Variants in PLEKHG1 observed in about 807,000 individuals in gnomAD.
The protein encoded by PLEKHG1 is pleckstrin homology domain-containing family G member 1.
PLEKHG1 carries 44 observed loss-of-function variants against 100.8 expected under a neutral mutation model. The ratio of observed to expected loss-of-function variants is 0.44; its 90% confidence interval spans 0.34 to 0.56. The LOEUF is 0.56. Ranked by LOEUF, PLEKHG1 falls within the 20% of genes least tolerant of loss-of-function variation. PLEKHG1 has a pLI of 0.01. For synonymous variants in PLEKHG1, 640 were observed against 662.5 expected, an observed-to-expected ratio of 0.97 and a Z score of 0.52; for missense variants, 1,545 against 1,720.9, an observed-to-expected ratio of 0.90 and a Z score of 1.81.
At chr6:150,608,366 A>G (rs968918962) in intron 1 of PLEKHG1, among the ~76,000 whole-genome samples, 7 of 152,220 alleles carry the variant, frequency 4.6e-5, no homozygotes, top group Non-Finnish European at 1.0e-4. Flanking sequence ...TTGCCCTATG[A>G]TCTGTCATGT....
intron 2 of PLEKHG1, among the ~76,000 whole-genome samples, chr6:150,767,323 A>G (rs1449939383): frequency 6.6e-6 from 1 of 152,238 alleles, no homozygotes; most frequent in Non-Finnish European, 1.5e-5. Context: ...TTTAATGCCA[A>G]CTACTTTTAA....
At chr6:150,827,270 C>G (rs1262788103) in intron 14 of PLEKHG1, among the ~76,000 whole-genome samples, 1 of 150,672 alleles carries the variant, frequency 6.6e-6, no homozygotes, top group Admixed American at 6.6e-5. Flanking sequence ...TTCCAAAAAA[C>G]TGCTTTCTTT....
At chr6:150,636,760 C>G (rs1358301188) in intron 1 of PLEKHG1, among the ~76,000 whole-genome samples, 1 of 152,122 alleles carries the variant, frequency 6.6e-6, no homozygotes, top group Non-Finnish European at 1.5e-5. Context: ...CCATTGTGCT[C>G]TAAGTGGATG....
intron 14 of PLEKHG1, chr6:150,828,039 C>T (rs1776713595): frequency 4.3e-6 from 7 of 1,613,030 alleles, no homozygotes; most frequent in Middle Eastern, 1.9e-4. Flanking sequence ...AGGAATTCCC[C>T]TCTGTGCCCT....
intron 1 of PLEKHG1, among the ~76,000 whole-genome samples, chr6:150,725,073 A>G (rs552939267): frequency 6.6e-6 from 1 of 152,358 alleles, no homozygotes; most frequent in South Asian, 2.1e-4. Flanking sequence ...TACAAGGAAC[A>G]GAAATTGATT....
chr6:150,671,110 T>TAC lies in PLEKHG1; in HGVS notation c.-99+20335_-99+20336dup, dbSNP rs1554258554. On this transcript the variant is annotated intron_variant, in intron 3 of 3. Coordinates refer to the PLEKHG1 transcript ENST00000367326. Reference sequence around the variant, plus strand: ...CATCATATATATATATATATATATATACACACACACACCAGTTTATTTATC... The same window carrying TAC: ...CATCATATATATATATATATATATATACACACACACACACCAGTTTATTTATC... 1.0e-3 allele frequency among the ~76,000 whole-genome samples: 127 copies of TAC among 122,030 alleles called. 2 individuals are homozygous for TAC. The highest frequency in any genetic ancestry group is 7.4e-3 in the Admixed American group (95 of 12,840). 80.1% of individuals were successfully genotyped at this position (122,030 alleles called of 152,430 possible).
intron 3 of PLEKHG1, among the ~76,000 whole-genome samples, chr6:150,667,641 C>T (rs920217866): frequency 3.9e-5 from 6 of 152,190 alleles, no homozygotes; most frequent in Non-Finnish European, 8.8e-5. Flanking sequence ...TTAATTCAAG[C>T]AGGAATATTT....
rs960350094 is a variant in PLEKHG1, at chr6:150,683,475, G to A, written c.-99+32689G>A. On this transcript the variant is annotated intron_variant, in intron 3 of 3. Transcript: ENST00000367326. The surrounding 1 kb of genome is among the most constrained non-coding windows in gnomAD (Gnocchi z 4.0). ...TCTCGGGGGAAGGTGTGGTTCACCC[G>A]CAGCAGGTCCGGTGAAGGAAGCACG... 18 of 177,540 alleles carry A rather than the reference G, an allele frequency of 1.0e-4. No homozygotes were observed. The highest frequency in any genetic ancestry group is 6.0e-4 in the South Asian group (5 of 8,266). The allele number at this position is 177,540 out of a possible 1,614,324, so 11.0% of individuals were successfully genotyped here.
intron 14 of PLEKHG1, among the ~76,000 whole-genome samples, chr6:150,829,718 A>G (rs1454988872): frequency 6.6e-6 from 1 of 152,240 alleles, no homozygotes; most frequent in Admixed American, 6.5e-5. Context: ...TTTTGAAATA[A>G]GTAAAAATGT....
intron 3 of PLEKHG1, among the ~76,000 whole-genome samples, chr6:150,707,973 A>G (rs9371193): frequency 0.46 from 70,552 of 151,742 alleles, 16,932 homozygotes; most frequent in Admixed American, 0.55. Flanking sequence ...CCTTCCAGGG[A>G]CCCCTGCCCC....
chr6:150,732,369 G>A (rs1160305501), intron 1 of PLEKHG1, among the ~76,000 whole-genome samples: 1 of 152,144 alleles, frequency 6.6e-6, no homozygotes, highest in Non-Finnish European at 1.5e-5. Context: ...TGCCACAAAT[G>A]GAATGCCAGT....
At chr6:150,659,828 C>T (rs1779113563) in intron 3 of PLEKHG1, among the ~76,000 whole-genome samples, 1 of 152,264 alleles carries the variant, frequency 6.6e-6, no homozygotes, top group South Asian at 2.1e-4. Context: ...GGTTGCTTTT[C>T]CTGAGTGCTG....
rs528669900 is a variant in PLEKHG1 at position 150,630,213 on chromosome 6, C to A, written c.-203-7867C>A. On this transcript the variant is annotated intron_variant, in intron 1 of 3. Transcript: ENST00000367326. ...CTTTACTCTGGTTGTGATGGGAAGC[C>A]CCTGGTGGAATTTGAACCCAGGAGT... 7.2e-5 allele frequency among the ~76,000 whole-genome samples: 11 copies of A among 152,234 alleles called. No homozygotes were observed. The East Asian group carries it at 1.7e-3, about 24-fold the overall frequency.
intron 13 of PLEKHG1, among the ~76,000 whole-genome samples, chr6:150,821,481 C>G (rs753886080): frequency 1.3e-5 from 2 of 152,048 alleles, no homozygotes; most frequent in African/African-American, 4.8e-5. Flanking sequence ...GCCAGGACTT[C>G]GAGACTAGCC....
At chr6:150,679,384 A>T (rs1452558991) in intron 3 of PLEKHG1, among the ~76,000 whole-genome samples, 1 of 152,216 alleles carries the variant, frequency 6.6e-6, no homozygotes, top group Non-Finnish European at 1.5e-5. Flanking sequence ...TGTGAATATT[A>T]AATGTAAGTA....
chr6:150,796,714 T>C (rs1786354753), intron 5 of PLEKHG1, among the ~76,000 whole-genome samples: 1 of 152,148 alleles, frequency 6.6e-6, no homozygotes, highest in Admixed American at 6.5e-5. Flanking sequence ...AAGTTCTTCA[T>C]AAGTGCTAGT....
At chr6:150,664,112 TC>T (rs1779311108) in intron 3 of PLEKHG1, 1 of 152,264 alleles carries the variant, frequency 6.6e-6, no homozygotes, top group Non-Finnish European at 1.5e-5. Flanking sequence ...TGCTCCACCA[TC>T]CGTGGGGTTG....
chr6:150,783,363 G>C (rs1785432085), intron 3 of PLEKHG1, among the ~76,000 whole-genome samples: 1 of 151,622 alleles, frequency 6.6e-6, no homozygotes, highest in East Asian at 1.9e-4. Context: ...TTCACGAGCA[G>C]AGATTCTTCT....
intron 4 of PLEKHG1, 26 bp from the exon 6 acceptor site, chr6:150,795,830 T>A: frequency 6.7e-7 from 1 of 1,494,218 alleles, no homozygotes; most frequent in Non-Finnish European, 9.3e-7. Context: ...TTGTTGCCTA[T>A]AAAAATTTCT....
Sources: gnomAD v4.1 joint callset for allele counts (sites outside exome capture counted in the v4.1 genomes callset) on GRCh38, gnomAD v4.1.1 for gene constraint, Gnocchi (gnomAD v3.1) non-coding constraint, MANE v1.5 for transcripts, NCBI Gene and HGNC (gene_info 2026-07-23, HGNC 2026-07-21) for gene names.